Variants in KLHL32 observed in about 807,000 individuals in gnomAD.
KLHL32 encodes the protein kelch like family member 32.
A neutral mutation model predicts 64.8 loss-of-function variants in KLHL32; 35 were observed. The ratio of observed to expected loss-of-function variants is 0.54; its 90% CI spans 0.41 to 0.72. The LOEUF (loss-of-function observed/expected upper bound fraction) is 0.72, where lower values mean the gene tolerates loss of function less well. Among genes scored for constraint, KLHL32 ranks in the 30% least tolerant of loss-of-function variants. The probability of loss-of-function intolerance (pLI) is 0.00; values close to 1 mark genes in which losing one functional copy is unlikely to be tolerated. For synonymous variants in KLHL32, 259 were observed against 281.0 expected (o/e 0.92, Z 0.78); for missense variants, 589 against 768.5 (o/e 0.77, Z 2.76).
upstream of KLHL32, among the ~76,000 whole-genome samples, chr6:96,924,165 G>C (rs1465047329): frequency 6.6e-6 from 1 of 152,174 alleles, no homozygotes; most frequent in Non-Finnish European, 1.5e-5. Flanking sequence ...ATCCTAAGGA[G>C]GGCCACTGTA....
intron 3 of KLHL32, among the ~76,000 whole-genome samples, chr6:97,028,802 C>T (rs13211055): frequency 0.24 from 37,031 of 152,090 alleles, 4,482 homozygotes; most frequent in Middle Eastern, 0.28. Flanking sequence ...AATAAGAAAG[C>T]GTAAAAGTGC....
chr6:96,979,530 G>A (rs910705495), intron 3 of KLHL32, among the ~76,000 whole-genome samples: 1 of 152,212 alleles, frequency 6.6e-6, no homozygotes, highest in Non-Finnish European at 1.5e-5. Context: ...ATGCTGTTTT[G>A]GTTATTGTAG....
At chr6:97,090,124 C>A (rs946261617) in intron 6 of KLHL32, among the ~76,000 whole-genome samples, 9 of 152,146 alleles carry the variant, frequency 5.9e-5, no homozygotes, top group Non-Finnish European at 1.2e-4. Context: ...GTAGTGTTTG[C>A]ATTACCTACT....
At chr6:97,097,633 CTT>C (rs11361496) in intron 6 of KLHL32, among the ~76,000 whole-genome samples, 1 of 150,442 alleles carries the variant, frequency 6.6e-6, no homozygotes, top group Non-Finnish European at 1.5e-5. Context: ...CTTTCTCTGC[CTT>C]TTTTTTTTCT....
intron 5 of KLHL32, among the ~76,000 whole-genome samples, chr6:97,071,326 C>T (rs547447426): frequency 4.6e-5 from 7 of 152,188 alleles, no homozygotes; most frequent in South Asian, 2.1e-4. Flanking sequence ...ATTTAAACAC[C>T]GGGAGCTGCA....
chr6:97,098,689 A>G (rs1215357623), intron 6 of KLHL32, among the ~76,000 whole-genome samples: 3 of 152,222 alleles, frequency 2.0e-5, no homozygotes, highest in African/African-American at 7.2e-5. Context: ...TCTGTTTAAA[A>G]TGTTTATTTA....
intron 1 of KLHL32, among the ~76,000 whole-genome samples, chr6:96,966,319 G>T (rs1327624591): frequency 6.6e-6 from 1 of 152,202 alleles, no homozygotes; most frequent in East Asian, 1.9e-4. Context: ...TTACTCCAGT[G>T]ATTAAAAACA....
chr6:97,068,031 CACAT>C (rs969770446), intron 5 of KLHL32, among the ~76,000 whole-genome samples: 11 of 133,062 alleles, frequency 8.3e-5, no homozygotes, highest in African/African-American at 1.3e-4. Flanking sequence ...CACACACACA[CACAT>C]ACACACACCA....
At chr6:97,029,003 G>A (rs1238529473) in intron 3 of KLHL32, among the ~76,000 whole-genome samples, 2 of 152,338 alleles carry the variant, frequency 1.3e-5, no homozygotes, top group East Asian at 3.9e-4. Flanking sequence ...ATGTGTGGAT[G>A]CCACTTTCCA....
At chr6:97,001,449 G>T (rs1056038065) in intron 3 of KLHL32, among the ~76,000 whole-genome samples, 1 of 152,100 alleles carries the variant, frequency 6.6e-6, no homozygotes, top group Admixed American at 6.6e-5. Context: ...TGAAGGTTTT[G>T]TGTTTTGTTT....
At chr6:96,900,308 T>C in the KLHL32 span, among the ~76,000 whole-genome samples, 1 of 152,194 alleles carries the variant, frequency 6.6e-6, no homozygotes, top group East Asian at 1.9e-4. Flanking sequence ...TGTTTTTCAT[T>C]TTTCAGAGGA....
intron 1 of KLHL32, among the ~76,000 whole-genome samples, chr6:96,958,843 C>T (rs1773571012): frequency 6.7e-6 from 1 of 148,274 alleles, no homozygotes; most frequent in Non-Finnish European, 1.5e-5. Context: ...AAAAAATCAC[C>T]CTAAGTTATG....
the KLHL32 span, among the ~76,000 whole-genome samples, chr6:96,918,021 T>G: frequency 1.3e-5 from 2 of 152,204 alleles, no homozygotes; most frequent in Non-Finnish European, 2.9e-5. Flanking sequence ...TTTCTAGGCA[T>G]GCAAAACAGT....
intron 1 of KLHL32, among the ~76,000 whole-genome samples, chr6:96,961,905 T>C (rs1773923810): frequency 6.6e-6 from 1 of 152,238 alleles, no homozygotes; most frequent in Admixed American, 6.5e-5. Context: ...AGGTCTCAAC[T>C]GGCTTGAACT....
At chr6:96,974,934 C>T (rs75108344) in intron 2 of KLHL32, among the ~76,000 whole-genome samples, 1,938 of 152,340 alleles carry the variant, frequency 0.013, 94 homozygotes, top group East Asian at 0.093. Flanking sequence ...GATCTGCTGG[C>T]CAGAATCAGG....
At chr6:96,976,557 A>G (rs1229888399) in intron 3 of KLHL32, among the ~76,000 whole-genome samples, 4 of 152,250 alleles carry the variant, frequency 2.6e-5, no homozygotes, top group Non-Finnish European at 4.4e-5. Flanking sequence ...GTCTTTAAGT[A>G]TATGTATTGT....
At chr6:96,979,530 G>T (rs910705495) in intron 3 of KLHL32, among the ~76,000 whole-genome samples, 1 of 152,094 alleles carries the variant, frequency 6.6e-6, no homozygotes, top group South Asian at 2.1e-4. Context: ...ATGCTGTTTT[G>T]GTTATTGTAG....
intron 2 of KLHL32, among the ~76,000 whole-genome samples, chr6:96,973,914 G>C (rs1775410012): frequency 6.6e-6 from 1 of 151,750 alleles, no homozygotes; most frequent in Admixed American, 6.6e-5. Context: ...TACAGATGGG[G>C]TTTCACCATA....
chr6:96,943,148 A>G (rs1226624520), intron 1 of KLHL32, among the ~76,000 whole-genome samples: 1 of 152,060 alleles, frequency 6.6e-6, no homozygotes, highest in African/African-American at 2.4e-5. Flanking sequence ...ATGCACACAC[A>G]TATATACACA....
Sources: gnomAD v4.1 joint callset for allele counts (sites outside exome capture counted in the v4.1 genomes callset) on GRCh38, gnomAD v4.1.1 for gene constraint, MANE v1.5 for transcripts, NCBI Gene and HGNC (gene_info 2026-07-23, HGNC 2026-07-21) for gene names.